DPYD: variants seen among roughly 807,000 people sequenced by gnomAD.
DPYD encodes dihydropyrimidine dehydrogenase.
Under a neutral mutation model 116.2 loss-of-function variants are expected in DPYD, and 109 were observed. The observed-to-expected ratio is 0.94, with a 90% CI of 0.80 to 1.10. The LOEUF (loss-of-function observed/expected upper bound fraction) is 1.10. DPYD is among the 50% of genes least tolerant of loss of function. DPYD has a pLI of 0.00. For missense variants in DPYD, 1,302 were observed against 1,254.5 expected, an observed-to-expected ratio of 1.04 and a Z score of -0.57; for synonymous variants, 440 against 432.0, an observed-to-expected ratio of 1.02 and a Z score of -0.23.
intron 7 of DPYD, among the ~76,000 whole-genome samples, chr1:97,688,075 C>A (rs911993538): frequency 1.3e-5 from 2 of 152,144 alleles, no homozygotes; most frequent in Non-Finnish European, 2.9e-5. Flanking sequence ...CACCATGTCA[C>A]ACGTTTACCT....
At chr1:97,534,292 T>C (rs1383741458) in intron 12 of DPYD, among the ~76,000 whole-genome samples, 2 of 152,248 alleles carry the variant, frequency 1.3e-5, no homozygotes, top group Middle Eastern at 3.4e-3. Flanking sequence ...TAAGGTAAAA[T>C]TTTGAGTATT....
chr1:97,723,570 C>A (rs1311207438), intron 4 of DPYD, among the ~76,000 whole-genome samples: 3 of 151,444 alleles, frequency 2.0e-5, no homozygotes, highest in Non-Finnish European at 3.0e-5. Flanking sequence ...TTACATAGTT[C>A]TTTTAGTTGT....
chr1:97,468,188 T>C (rs192658026), intron 13 of DPYD, among the ~76,000 whole-genome samples: 80 of 152,368 alleles, frequency 5.3e-4, no homozygotes, highest in Non-Finnish European at 8.2e-4. Context: ...TATGTATTAA[T>C]CAGTTGTTGC....
intron 19 of DPYD, among the ~76,000 whole-genome samples, chr1:97,229,446 T>C (rs1450936983): frequency 6.7e-6 from 1 of 148,934 alleles, no homozygotes. Flanking sequence ...GAAATTCAGT[T>C]AGAATGGAAG....
At chr1:97,738,771 C>A (rs1317696467) in intron 4 of DPYD, among the ~76,000 whole-genome samples, 1 of 150,628 alleles carries the variant, frequency 6.6e-6, no homozygotes, top group African/African-American at 2.4e-5. Context: ...ATATAAAAAT[C>A]TTTTAAATAG....
In DPYD at chr1:97,595,124, G is replaced by T. The variant is rs143879757; in HGVS notation, c.893C>A (p.Thr298Lys). Residue 298 changes from threonine (T) to lysine (K), a missense_variant, in exon 9 of 23, where the codon ACG becomes AAG. Physicochemically the swap from Thr to Lys is moderately conservative, Grantham distance 78. Transcript: ENST00000370192. ...GGATGTATAAAACCCCTGGTCCTGCGTCAGGCCTTGGAAGATGGCATCTTT... is the reference window on the plus strand; with the variant it reads ...GGATGTATAAAACCCCTGGTCCTGCTTCAGGCCTTGGAAGATGGCATCTTT... ...PNKDAIFQGL[T>K]QDQGFYTSKD... 5 of 1,613,540 alleles carry T rather than the reference G, an allele frequency of 3.1e-6. No individual in the cohort carries two copies. The African/African-American group carries it at 6.7e-5, about 22-fold the overall frequency.
chr1:97,575,776 A>G (rs1653224511), intron 10 of DPYD, among the ~76,000 whole-genome samples: 1 of 152,222 alleles, frequency 6.6e-6, no homozygotes, highest in Middle Eastern at 3.2e-3. Context: ...TTCCTTATAT[A>G]TAAAATGGGG....
intron 21 of DPYD, among the ~76,000 whole-genome samples, chr1:97,083,183 A>G (rs1474815789): frequency 6.6e-6 from 1 of 152,148 alleles, no homozygotes; most frequent in Non-Finnish European, 1.5e-5. Flanking sequence ...TGAAGCACAG[A>G]CTATGTTTCA....
At chr1:97,593,124 C>T in intron 10 of DPYD, 94 bp downstream of exon 10, 1 of 1,455,772 alleles carries the variant, frequency 6.9e-7, no homozygotes, top group Non-Finnish European at 9.5e-7. Flanking sequence ...TTGAATTTGA[C>T]AATTTCAACA....
chr1:97,503,900 T>C (rs576525548), intron 13 of DPYD, among the ~76,000 whole-genome samples: 107 of 152,190 alleles, frequency 7.0e-4, no homozygotes, highest in Admixed American at 2.0e-4. Context: ...ATGGATATTA[T>C]TAATGCAACA....
chr1:97,453,299 G>C (rs1676517194), intron 13 of DPYD, among the ~76,000 whole-genome samples: 1 of 151,924 alleles, frequency 6.6e-6, no homozygotes. Context: ...GTCTTTTTTG[G>C]TTCATGTGGA....
chr1:97,676,621 A>G lies in DPYD; in HGVS notation c.850+2474T>C, dbSNP rs1557876797. Among the ~76,000 whole-genome samples, 6 of 152,340 alleles carry G rather than the reference A, an allele frequency of 3.9e-5. No individual in the cohort carries two copies. In the South Asian group the frequency reaches 1.2e-3, roughly 32 times the overall value. ...ACAAAATCAGTGAGAAAGGGTAGAT[A>G]AAATAAGTGAGTAATGTTTAATTAC... On this transcript the variant is annotated intron_variant, in intron 8 of 22. Transcript: ENST00000370192.
intron 1 of DPYD, among the ~76,000 whole-genome samples, chr1:97,884,894 C>T (rs1672403534): frequency 6.6e-6 from 1 of 151,928 alleles, no homozygotes; most frequent in African/African-American, 2.4e-5. Flanking sequence ...ATTCCTAGTA[C>T]TCTTATAACT....
chr1:97,109,857 T>C (rs1557868277), intron 20 of DPYD, among the ~76,000 whole-genome samples: 1 of 151,900 alleles, frequency 6.6e-6, no homozygotes, highest in African/African-American at 2.4e-5. Context: ...TTTTTTAATA[T>C]AAAAAATATC....
In DPYD at chr1:97,324,411, G is replaced by A. The variant is rs112841783; in HGVS notation, c.2059-18114C>T. Among the ~76,000 whole-genome samples the A allele has an allele frequency of 6.8e-3, 1,035 of 152,130 alleles. 7 individuals carry two copies. The Middle Eastern group carries it at 0.071, about 10-fold the overall frequency. ...TCCAAGTGGTTGCTTTTTGCTCAGGGATACAATATCTGGTCCAATAAATTG... is the reference window on the plus strand; with the variant it reads ...TCCAAGTGGTTGCTTTTTGCTCAGGAATACAATATCTGGTCCAATAAATTG... On this transcript the variant is annotated intron_variant, in intron 16 of 22. Transcript: ENST00000370192.
At chr1:97,725,871 G>T (rs926332491) in intron 4 of DPYD, among the ~76,000 whole-genome samples, 1 of 151,244 alleles carries the variant, frequency 6.6e-6, no homozygotes, top group East Asian at 1.9e-4. Flanking sequence ...TTTTTTTAGC[G>T]GTGATAAAAT....
intron 13 of DPYD, among the ~76,000 whole-genome samples, chr1:97,495,545 T>G (rs529479590): frequency 6.6e-6 from 1 of 152,230 alleles, no homozygotes; most frequent in East Asian, 1.9e-4. Context: ...TTATTATTGA[T>G]TATATTATTA....
At position 97,608,534 on chromosome 1, in the gene DPYD, C is replaced by T. The variant is rs567333406; in HGVS notation, c.851-13368G>A. On this transcript the variant is annotated intron_variant, in intron 8 of 22. Transcript: ENST00000370192. ...ACGTAGCGACACCTAGGTTTGCTCT[C>T]GGTTTCCCTACCTACTAGCTTTGTG... 1.4e-3 allele frequency among the ~76,000 whole-genome samples: 220 copies of T among 151,908 alleles called. 1 individual carries two copies. The highest frequency in any genetic ancestry group is 4.4e-3 in the South Asian group (21 of 4,812).
intron 18 of DPYD, among the ~76,000 whole-genome samples, chr1:97,257,560 T>C (rs1220369590): frequency 6.6e-6 from 1 of 151,654 alleles, no homozygotes; most frequent in African/African-American, 2.4e-5. Flanking sequence ...TATACGTATA[T>C]ATATATTTGT....
Sources: gnomAD v4.1 joint callset for allele counts (sites outside exome capture counted in the v4.1 genomes callset) on GRCh38, gnomAD v4.1.1 for gene constraint, MANE v1.5 for transcripts, NCBI Gene and HGNC (gene_info 2026-07-23, HGNC 2026-07-21) for gene names.